Variants in MALRD1 observed in about 807,000 individuals in gnomAD.
MALRD1 encodes the protein MAM and LDL receptor class A domain containing 1.
A neutral mutation model predicts 242.1 loss-of-function variants in MALRD1; 247 were observed. The ratio of observed to expected loss-of-function variants is 1.02; its 90% CI spans 0.92 to 1.13. MALRD1 has a LOEUF of 1.13. Among genes scored for constraint, MALRD1 ranks in the 50% most tolerant of loss-of-function variants. The probability of loss-of-function intolerance (pLI) is 0.00; values close to 1 mark genes in which losing one functional copy is unlikely to be tolerated. For missense variants in MALRD1, 2,989 were observed against 2,533.1 expected (o/e 1.18, Z -3.86); for synonymous variants, 995 against 866.6 (o/e 1.15, Z -2.60).
At chr10:19,148,786 A>ATAT (rs1220802758) in intron 11 of MALRD1, among the ~76,000 whole-genome samples, 3,483 of 67,656 alleles carry the variant, frequency 0.051, 108 homozygotes, top group African/African-American at 0.13. Context: ...AAAAAAAAAA[A>ATAT]AAATATATAT....
At chr10:19,493,711 G>A (rs1837593378) in intron 30 of MALRD1, among the ~76,000 whole-genome samples, 1 of 152,022 alleles carries the variant, frequency 6.6e-6, no homozygotes, top group Admixed American at 6.6e-5. Context: ...CCACTTGGGA[G>A]GCTGAGGCAG....
chr10:19,493,681 G>A (rs1013176906), intron 30 of MALRD1, among the ~76,000 whole-genome samples: 2 of 151,726 alleles, frequency 1.3e-5, no homozygotes, highest in Non-Finnish European at 2.9e-5. Flanking sequence ...GTTCCTGGTG[G>A]TGGATGCCTG....
chr10:19,562,293 TTAGGTAGATAGATAGA>T (rs1200649730), intron 32 of MALRD1, among the ~76,000 whole-genome samples: 3 of 116,758 alleles, frequency 2.6e-5, no homozygotes, highest in Non-Finnish European at 5.4e-5. Flanking sequence ...AGATGCTGTC[TTAGGTAGATAGATAGA>T]TAGATAGATA....
intron 29 of MALRD1, among the ~76,000 whole-genome samples, chr10:19,479,176 A>G (rs1836878093): frequency 6.6e-6 from 1 of 152,200 alleles, no homozygotes; most frequent in African/African-American, 2.4e-5. Context: ...TCTTCCTTTA[A>G]GGATTCTTCA....
At chr10:19,241,184 G>A (rs904694656) in intron 18 of MALRD1, among the ~76,000 whole-genome samples, 3 of 151,620 alleles carry the variant, frequency 2.0e-5, no homozygotes, top group African/African-American at 7.2e-5. Context: ...GAAGACATCA[G>A]GTCCTGGGTG....
rs190389346 is a variant in MALRD1 at position 19,509,392 on chromosome 10, C to T, written c.5320+10746C>T. On this transcript the variant is annotated intron_variant, in intron 31 of 39. Transcript: ENST00000454679. ...CTGGCTGAAATTTGTCTTTTATACT[C>T]CTAAATTTGGTTTTGGTTTATTTCT... Among the ~76,000 whole-genome samples the T allele has an allele frequency of 3.8e-4, 58 of 152,198 alleles. 2 individuals are homozygous for T. In the East Asian group the frequency reaches 9.5e-3, roughly 25 times the overall value.
chr10:19,146,878 A>G (rs563470353), intron 11 of MALRD1, among the ~76,000 whole-genome samples: 8 of 152,350 alleles, frequency 5.3e-5, no homozygotes, highest in South Asian at 2.1e-4. Context: ...TAGAGGAACC[A>G]TAACTACCTG....
intron 28 of MALRD1, among the ~76,000 whole-genome samples, chr10:19,428,539 A>G (rs1589058343): frequency 2.0e-5 from 3 of 152,118 alleles, no homozygotes; most frequent in Admixed American, 6.6e-5. Context: ...TCACCACCAC[A>G]GGAACTACTG....
intron 31 of MALRD1, among the ~76,000 whole-genome samples, chr10:19,519,745 C>T (rs953346527): frequency 7.9e-5 from 12 of 152,156 alleles, no homozygotes; most frequent in African/African-American, 2.9e-4. Context: ...GCCAGGGCAA[C>T]AGAGCTAGGT....
intron 26 of MALRD1, 89 bp downstream of exon 26, chr10:19,352,386 A>T: frequency 8.7e-7 from 1 of 1,145,424 alleles, no homozygotes; most frequent in Non-Finnish European, 1.2e-6. Flanking sequence ...TAGCATAAAC[A>T]CCTAGTAATT....
chr10:19,361,135 C>G (rs1223185941), intron 26 of MALRD1, among the ~76,000 whole-genome samples: 1 of 152,046 alleles, frequency 6.6e-6, no homozygotes, highest in Non-Finnish European at 1.5e-5. Context: ...CATAGCCAAA[C>G]AGAGTAACGA....
intron 1 of MALRD1, among the ~76,000 whole-genome samples, chr10:19,056,438 T>C (rs1395886234): frequency 6.6e-6 from 1 of 152,150 alleles, no homozygotes; most frequent in African/African-American, 2.4e-5. Context: ...AGTATTATAC[T>C]TTATGTGTTG....
chr10:19,647,651 A>G (rs552719452), intron 36 of MALRD1, among the ~76,000 whole-genome samples: 2 of 152,290 alleles, frequency 1.3e-5, no homozygotes, highest in Admixed American at 6.5e-5. Flanking sequence ...TGCAACTGAT[A>G]GAGCAAGAAC....
chr10:19,291,856 G>T (rs571281743), intron 21 of MALRD1, among the ~76,000 whole-genome samples: 10 of 151,804 alleles, frequency 6.6e-5, no homozygotes, highest in Admixed American at 5.3e-4. Context: ...AGGCTGAGGC[G>T]GGTGGATCAC....
chr10:19,607,861 C>T lies in MALRD1; in HGVS notation c.6029C>T (p.Ala2010Val). ...GCCCACCAGCGCTGTGATGGTTTTGCCGACTGCATGGATTTCCAGCTTGAT... is the reference window on the plus strand; with the variant it reads ...GCCCACCAGCGCTGTGATGGTTTTGTCGACTGCATGGATTTCCAGCTTGAT... ...IPAHQRCDGF[A>V]DCMDFQLDES... Residue 2010 changes from alanine (A) to valine (V), a missense_variant, in exon 35 of 40, where the codon GCC becomes GTC. Ala to Val is a moderately conservative substitution (Grantham distance 64). Transcript: ENST00000454679. 1 of 1,549,754 alleles carries T rather than the reference C, an allele frequency of 6.5e-7. No homozygotes were observed. The highest frequency in any genetic ancestry group is 8.7e-7 in the Non-Finnish European group (1 of 1,146,494).
chr10:19,586,308 T>C (rs1837398877), intron 33 of MALRD1, among the ~76,000 whole-genome samples: 1 of 152,176 alleles, frequency 6.6e-6, no homozygotes. Context: ...TGCTCTGCTT[T>C]TTAGAGTTTC....
At chr10:19,385,749 T>C (rs1042204520) in intron 26 of MALRD1, among the ~76,000 whole-genome samples, 4 of 152,066 alleles carry the variant, frequency 2.6e-5, no homozygotes, top group South Asian at 2.1e-4. Flanking sequence ...CTAATCTTTA[T>C]AATTATTTTT....
rs150254249 is a variant in MALRD1, at chr10:19,120,989, C to G, written c.695-2503C>G. Among the ~76,000 whole-genome samples the G allele has an allele frequency of 8.8e-3, 1,331 of 151,478 alleles. 26 individuals are homozygous for G. The highest frequency in any genetic ancestry group is 0.031 in the African/African-American group (1,266 of 41,264). ...GAACTCCTGACCTCAGGTGATCTACCTGCCTCAGCCTCCCAAAATGCTGGG... is the reference window on the plus strand; with the variant it reads ...GAACTCCTGACCTCAGGTGATCTACGTGCCTCAGCCTCCCAAAATGCTGGG... On this transcript the variant is annotated intron_variant, in intron 5 of 39. Coordinates refer to ENST00000454679, the MANE Select transcript of MALRD1 (RefSeq NM_001142308.3).
intron 17 of MALRD1, among the ~76,000 whole-genome samples, chr10:19,208,550 C>G (rs1836891851): frequency 6.6e-6 from 1 of 152,062 alleles, no homozygotes. Flanking sequence ...CGTAGGGACT[C>G]TAGGATCTGG....
Sources: gnomAD v4.1 joint callset for allele counts (sites outside exome capture counted in the v4.1 genomes callset) on GRCh38, gnomAD v4.1.1 for gene constraint, MANE v1.5 for transcripts, NCBI Gene and HGNC (gene_info 2026-07-23, HGNC 2026-07-21) for gene names.